Variants in SLC9A9 observed in about 807,000 individuals in gnomAD.
SLC9A9 encodes solute carrier family 9 member A9, also known as sodium/hydrogen exchanger 9.
In SLC9A9, 62 loss-of-function variants were observed where a neutral mutation model predicts 77.8. That is an observed-to-expected ratio of 0.80 (90% CI 0.65 to 0.98). The LOEUF is 0.98. Among genes scored for constraint, SLC9A9 ranks in the 50% least tolerant of loss-of-function variants. SLC9A9 has a pLI of 0.00. For missense variants in SLC9A9, 775 were observed against 774.9 expected (o/e 1.00, Z 0.00); for synonymous variants, 320 against 283.5 (o/e 1.13, Z -1.29).
chr3:143,652,422 T>A, intron 5 of SLC9A9, 62 bp from the exon 6 acceptor site: 1 of 1,228,832 alleles, frequency 8.1e-7, no homozygotes. Context: ...TTTCCTTGGC[T>A]ATGGTCACCA....
At chr3:143,765,396 A>G (rs2007282276) in intron 4 of SLC9A9, among the ~76,000 whole-genome samples, 1 of 152,142 alleles carries the variant, frequency 6.6e-6, no homozygotes. Flanking sequence ...CACTGTCGAT[A>G]TGCTACTAGA....
At chr3:143,636,079 T>C (rs1455920554) in intron 6 of SLC9A9, among the ~76,000 whole-genome samples, 2 of 152,200 alleles carry the variant, frequency 1.3e-5, no homozygotes, top group African/African-American at 2.4e-5. Flanking sequence ...TGAGTTTACA[T>C]TGAAGATATA....
intron 9 of SLC9A9, among the ~76,000 whole-genome samples, chr3:143,547,392 C>T (rs916728229): frequency 7.9e-5 from 12 of 152,216 alleles, no homozygotes; most frequent in African/African-American, 2.9e-4. Context: ...GACTAATACA[C>T]ATCCCAAACT....
At chr3:143,396,337 A>C (rs1343292792) in intron 12 of SLC9A9, among the ~76,000 whole-genome samples, 1 of 131,226 alleles carries the variant, frequency 7.6e-6, no homozygotes, top group South Asian at 2.6e-4. Flanking sequence ...TCAGCAAACT[A>C]TCGCAAGGAT....
At chr3:143,432,291 C>G (rs1191962099) in intron 12 of SLC9A9, among the ~76,000 whole-genome samples, 1 of 152,146 alleles carries the variant, frequency 6.6e-6, no homozygotes, top group Non-Finnish European at 1.5e-5. Flanking sequence ...TCTAAACTCT[C>G]TCAGCTCCTG....
intron 4 of SLC9A9, among the ~76,000 whole-genome samples, chr3:143,772,371 A>G (rs1192716623): frequency 6.6e-6 from 1 of 152,148 alleles, no homozygotes; most frequent in Non-Finnish European, 1.5e-5. Flanking sequence ...CAAAACAGAA[A>G]ATAATTTTAG....
Position 143,556,671 on chromosome 3 carries a change from C to A in SLC9A9, c.1001-4221G>T, listed in dbSNP as rs538803260. Among the ~76,000 whole-genome samples the A allele has an allele frequency of 1.1e-4, 16 of 150,610 alleles. No individual in the cohort carries two copies. The South Asian group carries it at 3.4e-3, about 32-fold the overall frequency. On this transcript the variant is annotated intron_variant, in intron 8 of 15. Coordinates refer to ENST00000316549, the MANE Select transcript of SLC9A9 (RefSeq NM_173653.4). ...ATTACCTCTCTGTTACCTTTATGCA[C>A]ACTTTATACCTTTTGAGATCTCCAC...
At chr3:143,584,767 T>A (rs2037514375) in intron 6 of SLC9A9, among the ~76,000 whole-genome samples, 1 of 152,232 alleles carries the variant, frequency 6.6e-6, no homozygotes, top group South Asian at 2.1e-4. Flanking sequence ...GATATCTTGG[T>A]CAAATCCCAT....
At chr3:143,532,038 AAGAAATTTGCAAAAAT>A (rs1229540488) in intron 9 of SLC9A9, among the ~76,000 whole-genome samples, 1 of 152,242 alleles carries the variant, frequency 6.6e-6, no homozygotes, top group Admixed American at 6.5e-5. Context: ...CCAGAAATAA[AAGAAATTTGCAAAAAT>A]AGAAAGTGTG....
At chr3:143,305,822 C>T (rs947760147) in intron 14 of SLC9A9, among the ~76,000 whole-genome samples, 5 of 152,192 alleles carry the variant, frequency 3.3e-5, no homozygotes, top group African/African-American at 1.2e-4. Flanking sequence ...TGGCTGGAAA[C>T]ACGGCTTGAG....
At chr3:143,719,767 C>T (rs7649414) in intron 4 of SLC9A9, among the ~76,000 whole-genome samples, 62,961 of 151,996 alleles carry the variant, frequency 0.41, 14,358 homozygotes, top group South Asian at 0.55. Context: ...ATAAACTTTC[C>T]AATTTAAATA....
At chr3:143,813,361 C>T (rs1430828807) in intron 2 of SLC9A9, among the ~76,000 whole-genome samples, 2 of 152,128 alleles carry the variant, frequency 1.3e-5, no homozygotes, top group Non-Finnish European at 2.9e-5. Context: ...CCGGGGAGTA[C>T]TGGAAAGGCT....
At chr3:143,785,057 T>A (rs2008005670) in intron 4 of SLC9A9, among the ~76,000 whole-genome samples, 1 of 152,220 alleles carries the variant, frequency 6.6e-6, no homozygotes, top group African/African-American at 2.4e-5. Flanking sequence ...CTATTGTTTA[T>A]AAGACGCCAG....
At chr3:143,536,796 C>T (rs1238001481) in intron 9 of SLC9A9, among the ~76,000 whole-genome samples, 1 of 152,164 alleles carries the variant, frequency 6.6e-6, no homozygotes, top group Non-Finnish European at 1.5e-5. Flanking sequence ...TATAAAATCC[C>T]TTGCAGAGTT....
intron 5 of SLC9A9, among the ~76,000 whole-genome samples, chr3:143,676,085 C>T (rs140609830): frequency 9.2e-5 from 14 of 152,260 alleles, no homozygotes; most frequent in Non-Finnish European, 1.8e-4. Context: ...AGCACACAAC[C>T]TAGATCCCTC....
chr3:143,491,350 T>C (rs1367409333), intron 11 of SLC9A9, among the ~76,000 whole-genome samples: 1 of 152,178 alleles, frequency 6.6e-6, no homozygotes, highest in Non-Finnish European at 1.5e-5. Flanking sequence ...CAGATAGTAA[T>C]ATTTTATTTT....
At chr3:143,470,339 G>A (rs2035356982) in intron 11 of SLC9A9, among the ~76,000 whole-genome samples, 1 of 152,028 alleles carries the variant, frequency 6.6e-6, no homozygotes, top group Admixed American at 6.6e-5. Context: ...AATTAGCTGG[G>A]TGTGATGGTG....
chr3:143,353,665 G>T (rs2032520451), intron 14 of SLC9A9, among the ~76,000 whole-genome samples: 1 of 152,098 alleles, frequency 6.6e-6, no homozygotes, highest in South Asian at 2.1e-4. Flanking sequence ...AGCATTGGTG[G>T]CTGGTGCCAC....
At chr3:143,775,825 T>A (rs2007670044) in intron 4 of SLC9A9, among the ~76,000 whole-genome samples, 1 of 152,214 alleles carries the variant, frequency 6.6e-6, no homozygotes, top group South Asian at 2.1e-4. Context: ...CAGACCTTTT[T>A]TTAAAGTTCC....
Sources: allele counts gnomAD v4.1 joint callset (sites outside exome capture counted in the v4.1 genomes callset), GRCh38; gene constraint gnomAD v4.1.1; transcripts MANE v1.5; gene names NCBI Gene and HGNC (gene_info 2026-07-23, HGNC 2026-07-21).